The following SLC75A1 variants were observed in gnomAD, a reference collection of about 807,000 sequenced individuals.
SLC75A1 encodes solute carrier family 75 member 1.
chr4:2,933,485 A>C, the SLC75A1 span: 1 of 1,457,816 alleles, frequency 6.9e-7, no homozygotes, highest in Non-Finnish European at 9.6e-7. Context: ...AGGACCGAGA[A>C]TTGGGGAGGG....
the SLC75A1 span, chr4:2,934,018 C>T: frequency 3.6e-6 from 5 of 1,372,256 alleles, no homozygotes; most frequent in Admixed American, 2.1e-5. Flanking sequence ...CCACACCCGA[C>T]AGCCGGCGAG....
chr4:2,930,567 T>G, the SLC75A1 span: 3 of 536,038 alleles, frequency 5.6e-6, no homozygotes, highest in Non-Finnish European at 1.0e-5. Context: ...GCACTTGGTA[T>G]AAAACAAACA....
At chr4:2,933,468 G>A in the SLC75A1 span, 2 of 1,325,266 alleles carry the variant, frequency 1.5e-6, no homozygotes, top group Non-Finnish European at 2.2e-6. Context: ...CAGGGAGTGG[G>A]AAGGCAAGGA....
the SLC75A1 span, chr4:2,933,889 C>T: frequency 2.3e-4 from 357 of 1,577,580 alleles, 1 homozygote; most frequent in Non-Finnish European, 2.8e-4. Flanking sequence ...GATGGGTGGG[C>T]GCGGGGTGCA....
At chr4:2,931,088 C>A in the SLC75A1 span, 1 of 1,597,258 alleles carries the variant, frequency 6.3e-7, no homozygotes, top group African/African-American at 1.3e-5. Flanking sequence ...GGCCCCGCGG[C>A]CCTGGCCAGA....
the SLC75A1 span, chr4:2,933,353 G>A: frequency 2.1e-6 from 2 of 965,476 alleles, no homozygotes; most frequent in Non-Finnish European, 3.1e-6. Flanking sequence ...TGAGCCGAGG[G>A]GGCCCCAATG....
the SLC75A1 span, chr4:2,930,960 A>G: frequency 6.2e-7 from 1 of 1,612,954 alleles, no homozygotes; most frequent in African/African-American, 1.3e-5. Flanking sequence ...TACACTGCGG[A>G]GAGACGGTGG....
At chr4:2,931,702 G>T in the SLC75A1 span, 1 of 1,584,448 alleles carries the variant, frequency 6.3e-7, no homozygotes, top group Non-Finnish European at 8.6e-7. Context: ...CCCGGGGCAG[G>T]GCCACCCAGG....
At chr4:2,930,863 G>T in the SLC75A1 span, 2 of 1,612,960 alleles carry the variant, frequency 1.2e-6, no homozygotes, top group Non-Finnish European at 1.7e-6. Flanking sequence ...CGTCTGTGCC[G>T]GGTAACTCAG....
At chr4:2,931,813 A>G in the SLC75A1 span, 2 of 1,588,408 alleles carry the variant, frequency 1.3e-6, no homozygotes, top group Non-Finnish European at 1.7e-6. Flanking sequence ...CCGTCGCCAG[A>G]TGGGGACCCA....
the SLC75A1 span, chr4:2,932,465 C>T: frequency 1.9e-6 from 3 of 1,613,614 alleles, no homozygotes; most frequent in Non-Finnish European, 2.5e-6. Flanking sequence ...AGGCTCCGAG[C>T]ATAGGGCCCA....
the SLC75A1 span, chr4:2,933,874 T>C: frequency 6.3e-7 from 1 of 1,583,490 alleles, no homozygotes; most frequent in Non-Finnish European, 8.6e-7. Context: ...CGGCGGCTGC[T>C]GGTGGATGGG....
the SLC75A1 span, chr4:2,933,317 GC>G: frequency 1.8e-6 from 2 of 1,131,784 alleles, no homozygotes; most frequent in Non-Finnish European, 2.6e-6. Context: ...GTCATGCTGG[GC>G]CCTACACTCA....
the SLC75A1 span, chr4:2,932,039 C>G: frequency 1.9e-6 from 3 of 1,610,726 alleles, no homozygotes; most frequent in Non-Finnish European, 2.5e-6. Flanking sequence ...TTGGTCGAGT[C>G]CTTACTGTCT....
the SLC75A1 span, chr4:2,931,939 G>A: frequency 2.9e-5 from 46 of 1,605,858 alleles, no homozygotes; most frequent in Non-Finnish European, 3.7e-5. Context: ...GCTGAGCCCT[G>A]GGGAGAGGTG....
the SLC75A1 span, chr4:2,934,048 G>A: frequency 2.8e-6 from 3 of 1,077,780 alleles, no homozygotes; most frequent in African/African-American, 4.7e-5. Flanking sequence ...GGGGCTGATG[G>A]CAGGGGCTCT....
chr4:2,931,529 CACCCGCTTTGGAGGGAGCCCCCT>C, the SLC75A1 span: 1 of 1,603,800 alleles, frequency 6.2e-7, no homozygotes, highest in Non-Finnish European at 8.5e-7. Flanking sequence ...GACTGCCTGC[CACCCGCTTTGGAGGGAGCCCCCT>C]ACCCGCTTCA....
chr4:2,931,707 C>T, the SLC75A1 span: 5 of 1,581,134 alleles, frequency 3.2e-6, no homozygotes, highest in Admixed American at 3.5e-5. Context: ...GGCAGGGCCA[C>T]CCAGGGCAGG....
At chr4:2,930,784 C>T in the SLC75A1 span, 40 of 1,588,316 alleles carry the variant, frequency 2.5e-5, no homozygotes, top group Non-Finnish European at 3.4e-5. Flanking sequence ...GGGCAGGGGC[C>T]TGACCTAGGC....
Sources: gnomAD v4.1 joint callset for allele counts on GRCh38, gnomAD v4.1.1 for gene constraint, MANE v1.5 for transcripts, NCBI Gene and HGNC (gene_info 2026-07-23, HGNC 2026-07-21) for gene names.